The following LAMA1 variants were observed in gnomAD, a reference collection of about 807,000 sequenced individuals.
LAMA1 encodes laminin subunit alpha 1.
Under a neutral mutation model 348.7 loss-of-function variants are expected in LAMA1, and 219 were observed. That is an observed-to-expected ratio of 0.63 (90% confidence interval 0.56 to 0.70). LAMA1 has a LOEUF of 0.70. Ranked by LOEUF, LAMA1 falls within the 30% of genes least tolerant of loss-of-function variation. LAMA1 has a pLI of 0.00. For synonymous variants in LAMA1, 1,487 were observed against 1,491.0 expected, an observed-to-expected ratio of 1.00 and a Z score of 0.06; for missense variants, 3,744 against 3,888.0, an observed-to-expected ratio of 0.96 and a Z score of 0.99.
intron 39 of LAMA1, among the ~76,000 whole-genome samples, chr18:6,984,571 G>A (rs1010410347): frequency 6.6e-6 from 1 of 152,178 alleles, no homozygotes; most frequent in Non-Finnish European, 1.5e-5. Context: ...CAAAGGCATC[G>A]GTGGCTTAAG....
intron 1 of LAMA1, among the ~76,000 whole-genome samples, chr18:7,089,571 C>T (rs1206667868): frequency 6.6e-6 from 1 of 152,230 alleles, no homozygotes; most frequent in African/African-American, 2.4e-5. Flanking sequence ...GCCAAGAGCT[C>T]AGGCGAAGGC....
rs574911864 is a variant in LAMA1 at position 7,006,154 on chromosome 18, TTTG to T, written c.4260+982_4260+984del. ...GAGTAGGAAACGAATATCACATTATTTTGTTATCTGCCTCATTGGCTTAAGCTA... is the reference window on the plus strand; with the variant it reads ...GAGTAGGAAACGAATATCACATTATTTTATCTGCCTCATTGGCTTAAGCTA... On this transcript the variant is annotated intron_variant, in intron 29 of 62. Transcript: ENST00000389658. 7.2e-5 allele frequency among the ~76,000 whole-genome samples: 11 copies of T among 152,294 alleles called. No individual in the cohort carries two copies. In the South Asian group the frequency reaches 1.7e-3, roughly 23 times the overall value.
At chr18:7,062,111 C>T (rs183120303) in intron 3 of LAMA1, among the ~76,000 whole-genome samples, 396 of 152,314 alleles carry the variant, frequency 2.6e-3, no homozygotes, top group African/African-American at 9.0e-3. Context: ...GGGACTAAGC[C>T]AGGTGCCACA....
intron 9 of LAMA1, 150 bp downstream of exon 9, chr18:7,041,995 G>T: frequency 1.5e-6 from 1 of 664,856 alleles, no homozygotes. Flanking sequence ...AAAACTGCCT[G>T]ACACATAGTA....
At chr18:7,086,657 G>A (rs536917307) in intron 1 of LAMA1, among the ~76,000 whole-genome samples, 3 of 152,224 alleles carry the variant, frequency 2.0e-5, no homozygotes, top group South Asian at 2.1e-4. Context: ...TCTGGCTCGC[G>A]TGAATGACGA....
intron 1 of LAMA1, among the ~76,000 whole-genome samples, chr18:7,102,304 T>G (rs1442248820): frequency 6.6e-6 from 1 of 152,180 alleles, no homozygotes; most frequent in Non-Finnish European, 1.5e-5. Flanking sequence ...AAATTCTGTA[T>G]GCCTTTGTTC....
At chr18:7,044,162 CAAA>C (rs60402984) in intron 7 of LAMA1, among the ~76,000 whole-genome samples, 859 of 40,160 alleles carry the variant, frequency 0.021, 5 homozygotes, top group African/African-American at 0.056. Flanking sequence ...GACTCCATCT[CAAA>C]AAAAAAAAAA....
In LAMA1 at chr18:7,055,112, C is replaced by CTGTGTG. The variant is rs147015838; in HGVS notation, c.346-4182_346-4177dup. Among the ~76,000 whole-genome samples the CTGTGTG allele has an allele frequency of 1.1e-3, 160 of 145,310 alleles. 1 individual carries two copies. The highest frequency in any genetic ancestry group is 3.6e-3 in the African/African-American group (143 of 39,574). On this transcript the variant is annotated intron_variant, in intron 3 of 62. Transcript: ENST00000389658. ...AACCCTCAAGTTATTCAAGGGTCAGCTGTGTGTGTGTGTGTGTGTGTGTGT... is the reference window on the plus strand; with the variant it reads ...AACCCTCAAGTTATTCAAGGGTCAGCTGTGTGTGTGTGTGTGTGTGTGTGTGTGTGT...
At chr18:7,032,261 T>G (rs2057973536) in intron 15 of LAMA1, 85 bp from the exon 16 acceptor site, 1 of 806,410 alleles carries the variant, frequency 1.2e-6, no homozygotes, top group Non-Finnish European at 2.1e-6. Flanking sequence ...ATGTCTTTTT[T>G]CTTAAACATC....
intron 1 of LAMA1, among the ~76,000 whole-genome samples, chr18:7,110,904 T>C (rs1399029841): frequency 2.9e-5 from 4 of 140,250 alleles, no homozygotes; most frequent in Non-Finnish European, 6.2e-5. Flanking sequence ...CCCCCACTTC[T>C]AATTGTTCTC....
chr18:7,000,725 C>T (rs570646605), intron 30 of LAMA1, among the ~76,000 whole-genome samples: 6 of 152,236 alleles, frequency 3.9e-5, no homozygotes, highest in African/African-American at 1.4e-4. Flanking sequence ...CTGGAGACAA[C>T]AATAAAAAAC....
rs752092269 is a variant in LAMA1, at chr18:6,961,972, A to G, written c.7425T>C (p.Tyr2475=). Residue 2475 remains tyrosine, a synonymous_variant, in exon 52 of 63, where the codon TAT becomes TAC. Transcript: ENST00000389658. The part of the protein sequence containing the change: ...RSTFDLLRNS[Y]GVRKGCLLEP... ...CCAGTAAACAGCCTTTTCTCACTCC[A>G]TAGGAATTTCTGAGTAAGTCAAAGG... 6.8e-6 allele frequency: 11 copies of G among 1,614,048 alleles called. No homozygotes were observed. The East Asian group carries it at 8.9e-5, about 13-fold the overall frequency.
intron 5 of LAMA1, among the ~76,000 whole-genome samples, chr18:7,048,853 C>T (rs529861910): frequency 6.6e-6 from 1 of 151,832 alleles, no homozygotes; most frequent in Non-Finnish European, 1.5e-5. Context: ...ACTATGGGGA[C>T]GGGGTGGGTG....
rs1218272090 is a variant in LAMA1 at position 7,028,798 on chromosome 18, C to T, written c.2275-2692G>A. On this transcript the variant is annotated intron_variant, in intron 16 of 62. Coordinates refer to ENST00000389658, the MANE Select transcript of LAMA1 (RefSeq NM_005559.4). Reference sequence around the variant, plus strand: ...GAGCAAAGGGGAGGGGTGCGGAGGTCGGCACTGGGGCCAGGACCAGGCAGC... The same window carrying T: ...GAGCAAAGGGGAGGGGTGCGGAGGTTGGCACTGGGGCCAGGACCAGGCAGC... 2.6e-5 allele frequency among the ~76,000 whole-genome samples: 4 copies of T among 152,146 alleles called. No homozygotes were observed. The East Asian group carries it at 5.8e-4, about 22-fold the overall frequency.
At chr18:7,083,853 T>A (rs1243085807) in intron 1 of LAMA1, among the ~76,000 whole-genome samples, 1 of 151,932 alleles carries the variant, frequency 6.6e-6, no homozygotes, top group Non-Finnish European at 1.5e-5. Context: ...GGCGGATCAC[T>A]TGAGGTCAGG....
chr18:7,009,132 A>T, intron 27 of LAMA1, 107 bp downstream of exon 27: 1 of 1,253,560 alleles, frequency 8.0e-7, no homozygotes, highest in Non-Finnish European at 1.2e-6. Context: ...GAACTGAACT[A>T]CATGGATTAA....
chr18:7,074,173 C>T lies in LAMA1; in HGVS notation c.345+5802G>A, dbSNP rs547564707. On this transcript the variant is annotated intron_variant, in intron 3 of 62. Coordinates refer to ENST00000389658, the MANE Select transcript of LAMA1 (RefSeq NM_005559.4). ...TTTTTCATAACACTGTGCCATTTTA[C>T]ATTTCCACCCACAGTGCACAGGGTT... 3.2e-4 allele frequency among the ~76,000 whole-genome samples: 49 copies of T among 152,260 alleles called. 1 individual carries two copies. The South Asian group carries it at 1.0e-2, about 31-fold the overall frequency.
At chr18:6,971,451 G>C (rs1041150594) in intron 48 of LAMA1, among the ~76,000 whole-genome samples, 10 of 152,094 alleles carry the variant, frequency 6.6e-5, no homozygotes, top group Admixed American at 6.5e-4. Flanking sequence ...ATAAAGATTT[G>C]GTTGTGGCTC....
rs922278637 is a variant in LAMA1 at position 7,024,388 on chromosome 18, C to T, written c.2481G>A (p.Trp827Ter). 6.2e-7 allele frequency: 1 copy of T among 1,613,954 alleles called. No homozygotes were observed. Residue 827 changes from tryptophan to a stop codon, truncating the protein, a stop_gained, in exon 18 of 63, where the codon TGG (tryptophan) becomes TGA (stop). Coordinates refer to ENST00000389658, the MANE Select transcript of LAMA1 (RefSeq NM_005559.4). LOFTEE classifies it high-confidence loss of function. ...DWCAPGYSGA[W>*]CERCADGYYG... ...CAGTGGATGCAGAGTACCTCTCACA[C>T]CAAGCTCCTGAGTAGCCCGGGGCAC...
Sources: gnomAD v4.1 joint callset for allele counts (sites outside exome capture counted in the v4.1 genomes callset) on GRCh38, gnomAD v4.1.1 for gene constraint, MANE v1.5 for transcripts, NCBI Gene and HGNC (gene_info 2026-07-23, HGNC 2026-07-21) for gene names.